The following EPB41L2 variants were observed in gnomAD, a reference collection of about 807,000 sequenced individuals.
EPB41L2 encodes the protein erythrocyte membrane protein band 4.1 like 2.
Under a neutral mutation model 113.0 loss-of-function variants are expected in EPB41L2, and 43 were observed. The observed-to-expected ratio is 0.38, with a 90% CI of 0.30 to 0.49. The LOEUF is 0.49. Among genes scored for constraint, EPB41L2 ranks in the 20% least tolerant of loss-of-function variants. The pLI is 0.95. For synonymous variants in EPB41L2, 442 were observed against 436.7 expected, an observed-to-expected ratio of 1.01 and a Z score of -0.15; for missense variants, 1,147 against 1,223.4, an observed-to-expected ratio of 0.94 and a Z score of 0.93.
intron 3 of EPB41L2, among the ~76,000 whole-genome samples, chr6:130,944,454 AAAC>A (rs1812081476): frequency 6.6e-6 from 1 of 152,208 alleles, no homozygotes; most frequent in African/African-American, 2.4e-5. Context: ...CCAGGTGAAG[AAAC>A]AACATCAGCA....
chr6:130,880,359 A>C, intron 12 of EPB41L2, 153 bp from the exon 13 acceptor site: 1 of 624,912 alleles, frequency 1.6e-6, no homozygotes, highest in Non-Finnish European at 2.8e-6. Context: ...AACAAACACA[A>C]CTCACAAATA....
At position 130,952,671 on chromosome 6, in the gene EPB41L2, G is replaced by A. The variant is rs188221462; in HGVS notation, c.705+2434C>T. 2.9e-3 allele frequency among the ~76,000 whole-genome samples: 438 copies of A among 152,204 alleles called. 9 individuals are homozygous for A. Among genetic ancestry groups the A allele is most frequent in the Admixed American group, 0.027 (405 of 15,278 alleles). Reference sequence around the variant, plus strand: ...CTAAAAATACAAAAATTAGCTGGGTGTGGTGGCTCATGCCTGTAATCCCAG... The same window carrying A: ...CTAAAAATACAAAAATTAGCTGGGTATGGTGGCTCATGCCTGTAATCCCAG... On this transcript the variant is annotated intron_variant, in intron 3 of 19. Coordinates refer to ENST00000337057, the MANE Select transcript of EPB41L2 (RefSeq NM_001431.4).
intron 1 of EPB41L2, among the ~76,000 whole-genome samples, chr6:130,963,991 A>C (rs536136334): frequency 6.6e-6 from 1 of 151,780 alleles, no homozygotes; most frequent in African/African-American, 2.4e-5. Context: ...CTGTGTAATA[A>C]TCAAAGCTGA....
chr6:130,896,005 G>A (rs1283211076), intron 8 of EPB41L2, among the ~76,000 whole-genome samples: 1 of 152,094 alleles, frequency 6.6e-6, no homozygotes, highest in Non-Finnish European at 1.5e-5. Context: ...TAAAATTGAA[G>A]ACTACCGCTC....
chr6:131,000,761 G>A (rs1030307925), intron 1 of EPB41L2: 4 of 152,236 alleles, frequency 2.6e-5, no homozygotes, highest in African/African-American at 9.6e-5. Flanking sequence ...AACGCCTTAA[G>A]TACAGTGCTG....
At chr6:130,947,024 C>CT (rs1250611851) in intron 3 of EPB41L2, among the ~76,000 whole-genome samples, 1 of 143,764 alleles carries the variant, frequency 7.0e-6, no homozygotes, top group African/African-American at 2.7e-5. Flanking sequence ...AAGACCCCCC[C>CT]CCCAGCCCCT....
chr6:130,919,257 AT>A (rs1165103192), intron 4 of EPB41L2, among the ~76,000 whole-genome samples: 1 of 152,162 alleles, frequency 6.6e-6, no homozygotes, highest in Non-Finnish European at 1.5e-5. Context: ...ATAAGGAATT[AT>A]GAATTCCTTA....
intron 3 of EPB41L2, among the ~76,000 whole-genome samples, chr6:130,940,454 C>T (rs1267905051): frequency 6.6e-6 from 1 of 151,206 alleles, no homozygotes; most frequent in Non-Finnish European, 1.5e-5. Context: ...TGAGTTTTTC[C>T]TAAATATATC....
At chr6:130,873,984 C>T (rs1297986622) in intron 14 of EPB41L2, among the ~76,000 whole-genome samples, 1 of 152,068 alleles carries the variant, frequency 6.6e-6, no homozygotes, top group Non-Finnish European at 1.5e-5. Flanking sequence ...GGGTGGGATG[C>T]CCTTCCCAGT....
At chr6:130,987,591 G>A (rs1458626235) in intron 1 of EPB41L2, among the ~76,000 whole-genome samples, 1 of 152,104 alleles carries the variant, frequency 6.6e-6, no homozygotes, top group African/African-American at 2.4e-5. Context: ...TACTCCGGAG[G>A]CTGAGGCAGG....
chr6:130,972,323 C>CAAAAA (rs56878009), intron 1 of EPB41L2, among the ~76,000 whole-genome samples: 10 of 76,618 alleles, frequency 1.3e-4, no homozygotes, highest in African/African-American at 5.6e-4. Flanking sequence ...GACTCCATCT[C>CAAAAA]AAAAAAAAAA....
intron 1 of EPB41L2, among the ~76,000 whole-genome samples, chr6:131,037,416 A>C (rs1054431515): frequency 6.6e-6 from 1 of 152,132 alleles, no homozygotes; most frequent in Non-Finnish European, 1.5e-5. Context: ...GCCTTAGATG[A>C]TATGACTCAC....
chr6:131,027,449 T>C (rs1004813609), intron 1 of EPB41L2, among the ~76,000 whole-genome samples: 10 of 152,022 alleles, frequency 6.6e-5, no homozygotes, highest in African/African-American at 2.4e-4. Context: ...ATAGCTGTTA[T>C]AGCTCCCCCT....
In EPB41L2 at chr6:130,862,486, T is replaced by C. The variant is rs9492741; in HGVS notation, c.2910+1152A>G. Among the ~76,000 whole-genome samples the C allele has an allele frequency of 9.8e-3, 1,493 of 152,282 alleles. 26 individuals carry two copies. Among genetic ancestry groups the C allele is most frequent in the African/African-American group, 0.034 (1,410 of 41,558 alleles). ...CGAAACTCAAGACTGTTCCAGTGGA[T>C]AGTAGAATAAATCCCCTCTGGAAAA... is the stretch of plus-strand genomic sequence containing the variant. On this transcript the variant is annotated intron_variant, in intron 18 of 19. Transcript: ENST00000337057.
intron 3 of EPB41L2, among the ~76,000 whole-genome samples, chr6:130,949,233 T>TGCATACATAA (rs1441479648): frequency 6.6e-6 from 1 of 152,154 alleles, no homozygotes; most frequent in East Asian, 1.9e-4. Flanking sequence ...CCACAAAACA[T>TGCATACATAA]GCATACATAA....
At chr6:130,940,528 T>C (rs559219680) in intron 3 of EPB41L2, among the ~76,000 whole-genome samples, 52 of 151,816 alleles carry the variant, frequency 3.4e-4, no homozygotes, top group Non-Finnish European at 6.6e-4. Context: ...TGCAGTGGCA[T>C]GATCCTGGTT....
chr6:130,881,656 G>C (rs1347733908), intron 12 of EPB41L2: 1 of 152,016 alleles, frequency 6.6e-6, no homozygotes, highest in Non-Finnish European at 1.5e-5. Flanking sequence ...TAGTAGCACA[G>C]AGGTAGGATA....
chr6:130,972,417 C>T (rs1250658915), intron 1 of EPB41L2, among the ~76,000 whole-genome samples: 3 of 149,664 alleles, frequency 2.0e-5, no homozygotes, highest in Non-Finnish European at 4.4e-5. Context: ...ATGGAAGCAA[C>T]ATAAATGTAA....
chr6:131,031,306 T>A (rs184873060), intron 1 of EPB41L2, among the ~76,000 whole-genome samples: 68 of 151,918 alleles, frequency 4.5e-4, no homozygotes, highest in East Asian at 5.8e-4. Flanking sequence ...GATTTTTTTT[T>A]TAAAAAGCCA....
Sources: gnomAD v4.1 joint callset for allele counts (sites outside exome capture counted in the v4.1 genomes callset) on GRCh38, gnomAD v4.1.1 for gene constraint, MANE v1.5 for transcripts, NCBI Gene and HGNC (gene_info 2026-07-23, HGNC 2026-07-21) for gene names.